RFC4: variants seen among roughly 807,000 people sequenced by gnomAD.
RFC4 encodes the protein replication factor C subunit 4.
Under a neutral mutation model 47.6 loss-of-function variants are expected in RFC4, and 38 were observed. That is an observed-to-expected ratio of 0.80 (90% CI 0.62 to 1.05). The LOEUF (loss-of-function observed/expected upper bound fraction) is 1.05, where lower values mean the gene tolerates loss of function less well. Among genes scored for constraint, RFC4 ranks in the 50% least tolerant of loss-of-function variants. RFC4 has a pLI of 0.00. For synonymous variants in RFC4, 164 were observed against 150.0 expected (o/e 1.09, Z -0.68); for missense variants, 489 against 434.0 (o/e 1.13, Z -1.13).
chr3:186,794,250 T>C (rs1722199013), intron 5 of RFC4, among the ~76,000 whole-genome samples: 1 of 152,206 alleles, frequency 6.6e-6, no homozygotes, highest in South Asian at 2.1e-4. Flanking sequence ...AGAAAACAGA[T>C]TTCAAGTATT....
rs746846143 is a variant in RFC4, at chr3:186,790,262, T to TA, written c.883-8dup. On this transcript the variant is annotated splice_polypyrimidine_tract_variant and splice_region_variant and intron_variant, in intron 9 of 10. Transcript: ENST00000296273. ...GACCCTCATCTATTAAATCCTATAA[T>TA]AAAAAAAACTTTTGGTATGATGACT... 3.8e-5 allele frequency: 62 copies of TA among 1,611,502 alleles called. No homozygotes were observed. The highest frequency in any genetic ancestry group is 7.7e-5 in the South Asian group (7 of 90,980).
chr3:186,803,662 C>G (rs1043471419), intron 2 of RFC4, among the ~76,000 whole-genome samples: 3 of 150,724 alleles, frequency 2.0e-5, no homozygotes, highest in Non-Finnish European at 4.4e-5. Context: ...CGCCAACATG[C>G]CTGGCTAATT....
At chr3:186,794,819 A>C in intron 4 of RFC4, 42 bp from the exon 5 acceptor site, 1 of 1,608,144 alleles carries the variant, frequency 6.2e-7, no homozygotes, top group Non-Finnish European at 8.5e-7. Flanking sequence ...GAGCACAAGT[A>C]GGCTTAAATC....
At chr3:186,805,834 G>T (rs1408990437) in intron 1 of RFC4, among the ~76,000 whole-genome samples, 1 of 152,076 alleles carries the variant, frequency 6.6e-6, no homozygotes, top group Non-Finnish European at 1.5e-5. Flanking sequence ...ACATGCCCTG[G>T]TGCCTAGAAC....
chr3:186,804,504 T>TAAA, intron 2 of RFC4, 79 bp downstream of exon 2: 17 of 1,192,210 alleles, frequency 1.4e-5, no homozygotes, highest in South Asian at 6.9e-5. Flanking sequence ...CTCCATAAGT[T>TAAA]AAAAAAAAAA....
chr3:186,805,583 G>A (rs1187353839), intron 1 of RFC4: 4 of 152,172 alleles, frequency 2.6e-5, no homozygotes, highest in African/African-American at 4.8e-5. Flanking sequence ...CTGTGGGGAA[G>A]GGAAGGTGGG....
rs931507194 is a variant in RFC4 at position 186,792,556 on chromosome 3, T to C, written c.609A>G (p.Ser203=). Residue 203 remains serine, a synonymous_variant, in exon 7 of 11, where the codon TCA becomes TCG. Transcript: ENST00000296273. ...RCSKFRFKPL[S]DKIQQQRLLD... is the part of the protein sequence containing the mutation. ...GTAATCGCTGCTGTTGAATTTTATC[T>C]GACAGAGGCTTGAAGCGGAATTTTG... 6 of 1,613,926 alleles carry C rather than the reference T, an allele frequency of 3.7e-6. No homozygotes were observed. In the African/African-American group the frequency reaches 5.3e-5, roughly 14 times the overall value.
At chr3:186,800,705 G>A (rs977205074) in intron 3 of RFC4, among the ~76,000 whole-genome samples, 1 of 152,016 alleles carries the variant, frequency 6.6e-6, no homozygotes, top group African/African-American at 2.4e-5. Context: ...AAGTTAGTAA[G>A]CAATTATACT....
intron 1 of RFC4, among the ~76,000 whole-genome samples, chr3:186,805,145 C>G (rs574445469): frequency 2.6e-5 from 4 of 152,318 alleles, no homozygotes; most frequent in African/African-American, 9.6e-5. Flanking sequence ...GACTCTTCGG[C>G]AATTAAAGGT....
At position 186,790,330 on chromosome 3, in the gene RFC4, A is replaced by G; in HGVS notation, c.878T>C (p.Val293Ala). The change falls in exon 9 of 11, where the codon GTC becomes GCC. Residue 293 changes from valine to alanine, a missense_variant. By Grantham distance (64) the Val-to-Ala change is moderately conservative (BLOSUM62 0). Transcript: ENST00000296273. Reference sequence around the variant, plus strand: ...AAGTTAGTAAGCTGACTTTACCTTGACCACAGCTTCTAGTTTGTCAAAAGA... The same window carrying G: ...AAGTTAGTAAGCTGACTTTACCTTGGCCACAGCTTCTAGTTTGTCAAAAGA... ...SGSFDKLEAV[V>A]KDLIDEGHAA... The G allele has an allele frequency of 6.2e-7, 1 of 1,613,784 alleles. No individual in the cohort carries two copies. The highest frequency in any genetic ancestry group is 2.2e-5 in the East Asian group (1 of 44,882).
chr3:186,791,181 T>TA (rs1722121497), intron 8 of RFC4: 1 of 156,444 alleles, frequency 6.4e-6, no homozygotes, highest in African/African-American at 2.4e-5. Context: ...AGGCATCTCT[T>TA]ATAAAATCTA....
chr3:186,794,577 G>A (rs1722205520), intron 5 of RFC4, 81 bp downstream of exon 5: 28 of 1,390,018 alleles, frequency 2.0e-5, no homozygotes, highest in Non-Finnish European at 2.7e-5. Flanking sequence ...CTTGATCTTA[G>A]CCAAAAGGCT....
intron 2 of RFC4, chr3:186,801,396 A>G (rs1722348829): frequency 1.7e-6 from 1 of 579,130 alleles, no homozygotes; most frequent in Admixed American, 3.2e-5. Flanking sequence ...GAGTGAAATA[A>G]TGTTTTACTT....
At chr3:186,801,091 G>C in intron 3 of RFC4, 26 bp downstream of exon 3, 1 of 1,517,186 alleles carries the variant, frequency 6.6e-7, no homozygotes, top group Non-Finnish European at 9.2e-7. Flanking sequence ...ATATCCCAAT[G>C]ACATTAAACA....
At chr3:186,790,794 TAA>T (rs898364550) in intron 8 of RFC4, among the ~76,000 whole-genome samples, 5 of 152,200 alleles carry the variant, frequency 3.3e-5, no homozygotes, top group African/African-American at 1.2e-4. Flanking sequence ...TGTCTCCATG[TAA>T]AGATGCCACT....
Position 186,792,378 on chromosome 3 carries a change from G to A in RFC4, c.675+112C>T, listed in dbSNP as rs978695647. The A allele has an allele frequency of 9.2e-6, 8 of 871,516 alleles. No individual in the cohort carries two copies. In the African/African-American group the frequency reaches 1.3e-4, roughly 15 times the overall value. 54.0% of individuals were successfully genotyped at this position (871,516 alleles called of 1,614,324 possible). A position where few individuals can be genotyped will look rare whatever the true frequency, so the allele number is the denominator to read the frequency against. Reference sequence around the variant, plus strand: ...TTGCCCCTTTAGCTTAAGTTTGTCTGAAGAACTGGCATCAGGATTGAGGCA... The same window carrying A: ...TTGCCCCTTTAGCTTAAGTTTGTCTAAAGAACTGGCATCAGGATTGAGGCA... On this transcript the variant is annotated intron_variant, in intron 7 of 10. Coordinates refer to ENST00000296273, the MANE Select transcript of RFC4 (RefSeq NM_002916.5).
At position 186,789,979 on chromosome 3, in the gene RFC4, T is replaced by C; in HGVS notation, c.1082A>G (p.Gln361Arg). Residue 361 changes from glutamine (Q) to arginine (R), a missense_variant, in exon 11 of 11, where the codon CAG (glutamine) becomes CGG (arginine). By Grantham distance (43) the Gln-to-Arg change is conservative. Transcript: ENST00000296273. Reference protein sequence around the residue: ...LCATVMQQLSQNC With the variant: ...LCATVMQQLSRNC ...CCAGATATATTCACGTTAACAATTC[T>C]GAGATAACTGCTGCATCACAGTTGC... 2 of 1,603,186 alleles carry C rather than the reference T, an allele frequency of 1.2e-6. No individual in the cohort carries two copies. Among genetic ancestry groups the C allele is most frequent in the Non-Finnish European group, 8.5e-7 (1 of 1,170,284 alleles).
rs543188166 is a variant in RFC4, at chr3:186,800,060, A to C, written c.210+1057T>G. ...CCCCTCCGCCTCCCAGGTTCAAATG[A>C]TTCTCCCGCTTTAGCCTCCTGAGTA... On this transcript the variant is annotated intron_variant, in intron 3 of 10. Transcript: ENST00000296273. Among the ~76,000 whole-genome samples the C allele has an allele frequency of 3.3e-5, 5 of 152,118 alleles. No homozygotes were observed. The South Asian group carries it at 1.0e-3, about 32-fold the overall frequency.
chr3:186,792,619 G>C lies in RFC4; in HGVS notation c.555-9C>G. ...TCAGGGGTTCAATTATTCTGTGGAA[G>C]ATGAGAAAAACCAAGTTGGTGTCTA... On this transcript the variant is annotated splice_polypyrimidine_tract_variant and intron_variant, in intron 6 of 10. Coordinates refer to ENST00000296273, the MANE Select transcript of RFC4 (RefSeq NM_002916.5). The C allele has an allele frequency of 6.2e-7, 1 of 1,605,546 alleles. No homozygotes were observed.
Sources: allele counts gnomAD v4.1 joint callset (sites outside exome capture counted in the v4.1 genomes callset), GRCh38; gene constraint gnomAD v4.1.1; transcripts MANE v1.5; gene names NCBI Gene and HGNC (gene_info 2026-07-23, HGNC 2026-07-21).